Variants in AFF3 observed in about 807,000 individuals in gnomAD.
The protein encoded by AFF3 is AF4/FMR2 family member 3.
In AFF3, 32 loss-of-function variants were observed where a neutral mutation model predicts 129.7. The ratio of observed to expected loss-of-function variants is 0.25; its 90% confidence interval spans 0.19 to 0.33. AFF3 has a LOEUF of 0.33. AFF3 is among the 10% of genes least tolerant of loss of function. The probability of loss-of-function intolerance (pLI) is 1.00; values close to 1 mark genes in which losing one functional copy is unlikely to be tolerated. For missense variants in AFF3, 1,373 were observed against 1,592.0 expected (o/e 0.86, Z 2.34); for synonymous variants, 644 against 635.4 (o/e 1.01, Z -0.20).
At chr2:99,936,227 C>T (rs1674513642) in intron 7 of AFF3, among the ~76,000 whole-genome samples, 1 of 152,070 alleles carries the variant, frequency 6.6e-6, no homozygotes, top group African/African-American at 2.4e-5. Flanking sequence ...AATCACTAGC[C>T]ACACAGTCTC....
intron 8 of AFF3, among the ~76,000 whole-genome samples, chr2:99,828,808 C>T: frequency 6.6e-6 from 1 of 152,194 alleles, no homozygotes; most frequent in East Asian, 1.9e-4. Context: ...CAGAGCCCTT[C>T]ATGCTAGGGA....
intron 2 of AFF3, chr2:100,107,638 G>T: frequency 2.3e-6 from 1 of 437,288 alleles, no homozygotes; most frequent in Non-Finnish European, 3.0e-6. Flanking sequence ...GAGGGCTGCT[G>T]GGGGAAGCTG....
At chr2:100,123,385 G>A (rs968348997) in intron 2 of AFF3, among the ~76,000 whole-genome samples, 2 of 152,094 alleles carry the variant, frequency 1.3e-5, no homozygotes, top group Admixed American at 1.3e-4. Context: ...TGCTCCTGGT[G>A]ACATGACTGT....
chr2:99,990,701 C>T (rs769911151), intron 7 of AFF3, among the ~76,000 whole-genome samples: 3 of 151,848 alleles, frequency 2.0e-5, no homozygotes, highest in Non-Finnish European at 4.4e-5. Context: ...TTAGGAAAGC[C>T]AGCATGAAAG....
chr2:99,840,872 G>A (rs1325449244), intron 7 of AFF3, among the ~76,000 whole-genome samples: 1 of 152,222 alleles, frequency 6.6e-6, no homozygotes, highest in African/African-American at 2.4e-5. Flanking sequence ...GTGGGAATGA[G>A]TGGTCTGAAT....
At chr2:100,108,987 A>T (rs1456142917) in intron 2 of AFF3, among the ~76,000 whole-genome samples, 1 of 120,338 alleles carries the variant, frequency 8.3e-6, no homozygotes, top group Non-Finnish European at 1.6e-5. Context: ...AGTTTCCCGC[A>T]TCCTCCTGCC....
intron 8 of AFF3, among the ~76,000 whole-genome samples, chr2:99,790,519 T>C (rs939633311): frequency 1.3e-5 from 2 of 152,230 alleles, no homozygotes; most frequent in Admixed American, 1.3e-4. Flanking sequence ...TGGAGGAGTT[T>C]GCTTTTACAA....
intron 4 of AFF3, among the ~76,000 whole-genome samples, chr2:100,061,916 A>G (rs1051699352): frequency 1.3e-5 from 2 of 151,790 alleles, no homozygotes; most frequent in Non-Finnish European, 2.9e-5. Flanking sequence ...AGAAATGCAC[A>G]GCACTTGATA....
intron 4 of AFF3, among the ~76,000 whole-genome samples, chr2:100,051,441 T>C (rs990504157): frequency 2.0e-4 from 31 of 152,166 alleles, no homozygotes; most frequent in African/African-American, 7.5e-4. Flanking sequence ...GCTCTTGCAA[T>C]GTTCTGAGGC....
Position 99,788,555 on chromosome 2 carries a change from CTAAG to C in AFF3, c.922-36258_922-36255del, listed in dbSNP as rs376634908. On this transcript the variant is annotated intron_variant, in intron 8 of 24. Transcript: ENST00000672756. ...TCGTACAGTGTTGTTTGTGCTTAAACTAAGTGTTATTACAAAAGAGTCAAAAATT... is the reference window on the plus strand; with the variant it reads ...TCGTACAGTGTTGTTTGTGCTTAAACTGTTATTACAAAAGAGTCAAAAATT... Among the ~76,000 whole-genome samples, 264 of 152,236 alleles carry C rather than the reference CTAAG, an allele frequency of 1.7e-3. 1 individual carries two copies. Among genetic ancestry groups the C allele is most frequent in the African/African-American group, 5.9e-3 (244 of 41,540 alleles).
intron 7 of AFF3, among the ~76,000 whole-genome samples, chr2:99,987,349 AGTG>A (rs1679965794): frequency 6.6e-6 from 1 of 152,154 alleles, no homozygotes; most frequent in African/African-American, 2.4e-5. Context: ...TCCACAGATG[AGTG>A]TTCAGCTCTC....
At chr2:99,975,875 A>G (rs980800685) in intron 7 of AFF3, among the ~76,000 whole-genome samples, 37 of 150,252 alleles carry the variant, frequency 2.5e-4, no homozygotes, top group African/African-American at 8.5e-4. Context: ...AATGAAAAAA[A>G]AAAAAAAGAA....
intron 4 of AFF3, among the ~76,000 whole-genome samples, chr2:100,081,438 C>T (rs1434486652): frequency 2.0e-5 from 3 of 151,754 alleles, no homozygotes; most frequent in Non-Finnish European, 4.4e-5. Flanking sequence ...GCGAGAAAAT[C>T]GCCACCATGT....
intron 10 of AFF3, among the ~76,000 whole-genome samples, chr2:99,738,477 T>C (rs1680439859): frequency 6.6e-6 from 1 of 152,042 alleles, no homozygotes; most frequent in African/African-American, 2.4e-5. Flanking sequence ...TCTTTTTATT[T>C]AACACAAATA....
In AFF3 at chr2:99,672,568, C is replaced by G. The variant is rs775196209; in HGVS notation, c.1113G>C (p.Lys371Asn). The change falls in exon 12 of 25, where the codon AAG (lysine) becomes AAC (asparagine). Residue 371 changes from lysine to asparagine, a missense_variant. Around this residue, in one of 9 missense-constraint regions of AFF3, gnomAD observed 413 missense variants for 424.4 expected, o/e 0.97. Transcript: ENST00000672756. ...CATTCTCCTCTTCATCACTGCTTAGCTTAAGGTCATCTTCCAGCATTCTGA... is the reference window on the plus strand; with the variant it reads ...CATTCTCCTCTTCATCACTGCTTAGGTTAAGGTCATCTTCCAGCATTCTGA... ...SNTSMLEDDLKLSSDEEENEQ... is the reference protein window; with the variant it reads ...SNTSMLEDDLNLSSDEEENEQ... The G allele has an allele frequency of 6.2e-7, 1 of 1,614,120 alleles. No homozygotes were observed. Among genetic ancestry groups the G allele is most frequent in the Non-Finnish European group, 8.5e-7 (1 of 1,180,006 alleles).
At chr2:99,584,773 G>A (rs1413204697) in intron 16 of AFF3, among the ~76,000 whole-genome samples, 1 of 152,162 alleles carries the variant, frequency 6.6e-6, no homozygotes, top group Non-Finnish European at 1.5e-5. Flanking sequence ...TTAAAAAATG[G>A]TAAAGCCATC....
At chr2:99,628,987 G>C (rs1178066642) in intron 13 of AFF3, among the ~76,000 whole-genome samples, 1 of 152,068 alleles carries the variant, frequency 6.6e-6, no homozygotes, top group Non-Finnish European at 1.5e-5. Flanking sequence ...CTCCCAAAGT[G>C]CTGGGACTAC....
At chr2:99,685,800 G>T (rs951920003) in intron 11 of AFF3, among the ~76,000 whole-genome samples, 1 of 152,100 alleles carries the variant, frequency 6.6e-6, no homozygotes, top group Admixed American at 6.6e-5. Context: ...GGAAAATAAC[G>T]ATCTATTTAG....
At position 99,546,540 on chromosome 2, in the gene AFF3, A is replaced by G. The variant is rs1336922552; in HGVS notation, c.*4934T>C. 3 of 232,750 alleles carry G rather than the reference A, an allele frequency of 1.3e-5. No homozygotes were observed. The highest frequency in any genetic ancestry group is 1.1e-4 in the Admixed American group (2 of 17,754). The allele number at this position is 232,750 out of a possible 1,614,324, so 14.4% of individuals were successfully genotyped here. ...TGAATCTAAGGACATGGGCTGGATC[A>G]GGTGAAGGGATGGTTTTGCTTTTGT... On this transcript the variant is annotated 3_prime_UTR_variant, in exon 25 of 25. Coordinates refer to ENST00000672756, the MANE Select transcript of AFF3 (RefSeq NM_001386135.1).
Sources: gnomAD v4.1 joint callset for allele counts (sites outside exome capture counted in the v4.1 genomes callset) on GRCh38, gnomAD v4.1.1 for gene constraint, gnomAD v4.1.1 regional missense constraint, MANE v1.5 for transcripts, NCBI Gene and HGNC (gene_info 2026-07-23, HGNC 2026-07-21) for gene names.